NIM1K: variants seen among roughly 807,000 people sequenced by gnomAD.
NIM1K encodes serine/threonine-protein kinase NIM1.
A neutral mutation model predicts 37.1 loss-of-function variants in NIM1K; 35 were observed. The ratio of observed to expected loss-of-function variants is 0.94; its 90% CI spans 0.72 to 1.25. The LOEUF (loss-of-function observed/expected upper bound fraction) is 1.25. NIM1K is among the 50% of genes most tolerant of loss of function. The pLI is 0.00. For missense variants in NIM1K, 564 were observed against 548.0 expected, an observed-to-expected ratio of 1.03 and a Z score of -0.29; for synonymous variants, 234 against 206.6, an observed-to-expected ratio of 1.13 and a Z score of -1.14.
At chr5:43,206,965 CG>C (rs1333547013) in intron 1 of NIM1K, 345 of 761,598 alleles carry the variant, frequency 4.5e-4, no homozygotes, top group Non-Finnish European at 6.6e-4. Flanking sequence ...AAGAGATCGA[CG>C]GTATTTTGAA....
rs758604313 is a variant in NIM1K at position 43,277,053 on chromosome 5, G to T, written c.293-4G>T. The T allele has an allele frequency of 1.2e-6, 2 of 1,608,696 alleles. No homozygotes were observed. Among genetic ancestry groups the T allele is most frequent in the Non-Finnish European group, 1.7e-6 (2 of 1,178,506 alleles). The stretch of plus-strand genomic sequence containing the variant: ...GGCACAATTTTTACTTTTTTTCCTT[G>T]CAGAAAAGGTGGCCATTAAGATCCT... On this transcript the variant is annotated splice_region_variant and splice_polypyrimidine_tract_variant and intron_variant, in intron 2 of 3. Transcript: ENST00000326035.
chr5:43,213,065 C>A (rs922502645), intron 1 of NIM1K, among the ~76,000 whole-genome samples: 1 of 152,150 alleles, frequency 6.6e-6, no homozygotes, highest in African/African-American at 2.4e-5. Context: ...ACTATGCCAC[C>A]ATTTCAACCA....
intron 1 of NIM1K, among the ~76,000 whole-genome samples, chr5:43,195,381 G>A (rs978100544): frequency 6.6e-6 from 1 of 152,158 alleles, no homozygotes. Context: ...GTGATAGGTC[G>A]GTGCCGTGGC....
intron 1 of NIM1K, among the ~76,000 whole-genome samples, chr5:43,236,876 C>T (rs548660491): frequency 1.4e-4 from 22 of 152,318 alleles, no homozygotes; most frequent in African/African-American, 4.8e-4. Flanking sequence ...TAGAAACCAG[C>T]GCATACTGAC....
At chr5:43,211,139 T>C (rs1421221648) in intron 1 of NIM1K, among the ~76,000 whole-genome samples, 1 of 151,904 alleles carries the variant, frequency 6.6e-6, no homozygotes, top group Non-Finnish European at 1.5e-5. Flanking sequence ...GCCACTGTAC[T>C]CTGGACTGGG....
At position 43,255,562 on chromosome 5, in the gene NIM1K, G is replaced by A. The variant is rs545713590; in HGVS notation, c.292+9495G>A. 3.7e-4 allele frequency among the ~76,000 whole-genome samples: 56 copies of A among 152,134 alleles called. 1 individual carries two copies. The highest frequency in any genetic ancestry group is 1.3e-3 in the African/African-American group (52 of 41,512). ...TCAAGAGATGGAGGCCATCCTGGCCGACATGGTGAAACCACAATTCTACTA... is the reference window on the plus strand; with the variant it reads ...TCAAGAGATGGAGGCCATCCTGGCCAACATGGTGAAACCACAATTCTACTA... On this transcript the variant is annotated intron_variant, in intron 2 of 3. Transcript: ENST00000326035.
In NIM1K at chr5:43,280,351, G is replaced by T. The variant is rs761468839; in HGVS notation, c.933G>T (p.Thr311=). The change falls in exon 4 of 4, where the codon ACG becomes ACT. Residue 311 remains threonine, a synonymous_variant. Coordinates refer to ENST00000326035, the MANE Select transcript of NIM1K (RefSeq NM_153361.4). ...LIRGVLQQIP[T]ERYGIDCIMN... ...GAGGAGTCCTTCAGCAGATCCCCAC[G>T]GAGAGGTACGGAATCGACTGCATCA... 7 of 1,614,014 alleles carry T rather than the reference G, an allele frequency of 4.3e-6. 1 individual carries two copies. Among genetic ancestry groups the T allele is most frequent in the South Asian group, 3.3e-5 (3 of 91,080 alleles).
chr5:43,273,312 T>C (rs1442786455), intron 2 of NIM1K, among the ~76,000 whole-genome samples: 2 of 151,978 alleles, frequency 1.3e-5, no homozygotes, highest in Non-Finnish European at 2.9e-5. Context: ...CAAGCAATTC[T>C]CCTGTCTCAG....
At chr5:43,270,765 G>A (rs1409043600) in intron 2 of NIM1K, among the ~76,000 whole-genome samples, 2 of 152,188 alleles carry the variant, frequency 1.3e-5, no homozygotes, top group Admixed American at 6.5e-5. Context: ...GTTTAGCAAA[G>A]TGAACTCAAC....
intron 1 of NIM1K, chr5:43,232,511 C>T (rs148953871): frequency 3.0e-5 from 46 of 1,549,372 alleles, no homozygotes; most frequent in Middle Eastern, 1.8e-4. Flanking sequence ...ATAGGTTGGG[C>T]GTTCAGTATC....
intron 2 of NIM1K, among the ~76,000 whole-genome samples, chr5:43,259,411 G>T (rs1752995064): frequency 6.6e-6 from 1 of 152,252 alleles, no homozygotes; most frequent in Admixed American, 6.5e-5. Flanking sequence ...GTGTATAAAT[G>T]TTACCTTTTC....
At chr5:43,203,655 T>C (rs1456675943) in intron 1 of NIM1K, among the ~76,000 whole-genome samples, 2 of 152,190 alleles carry the variant, frequency 1.3e-5, no homozygotes, top group Non-Finnish European at 2.9e-5. Context: ...ACAATAGTCA[T>C]ATAGTACACT....
At chr5:43,232,766 A>G in intron 1 of NIM1K, 2 of 1,157,102 alleles carry the variant, frequency 1.7e-6, no homozygotes, top group Non-Finnish European at 2.5e-6. Context: ...TGGAAAAACA[A>G]GAAGCCTTGG....
At chr5:43,200,908 G>A (rs922219920) in intron 1 of NIM1K, among the ~76,000 whole-genome samples, 1 of 151,706 alleles carries the variant, frequency 6.6e-6, no homozygotes, top group African/African-American at 2.4e-5. Flanking sequence ...GGTGGATCAT[G>A]GGGTCAGGAG....
intron 2 of NIM1K, among the ~76,000 whole-genome samples, chr5:43,263,363 T>G (rs1020702364): frequency 2.6e-5 from 4 of 152,214 alleles, no homozygotes; most frequent in African/African-American, 7.2e-5. Context: ...CAGGAATTTA[T>G]CCATTTCTTC....
At chr5:43,213,243 TTTCTTTCTTG>T (rs1752241750) in intron 1 of NIM1K, among the ~76,000 whole-genome samples, 4 of 150,026 alleles carry the variant, frequency 2.7e-5, no homozygotes, top group Non-Finnish European at 3.0e-5. Context: ...TCTTCCTTTC[TTTCTTTCTTG>T]TTCTTTCTTG....
At chr5:43,237,514 C>T (rs774003858) in intron 1 of NIM1K, among the ~76,000 whole-genome samples, 8 of 152,178 alleles carry the variant, frequency 5.3e-5, no homozygotes, top group Non-Finnish European at 1.0e-4. Flanking sequence ...AACTCACTTA[C>T]ATCTGAAATT....
chr5:43,214,246 G>T (rs933814283), intron 1 of NIM1K, among the ~76,000 whole-genome samples: 2 of 152,098 alleles, frequency 1.3e-5, no homozygotes, highest in African/African-American at 4.8e-5. Flanking sequence ...AGAGATATAT[G>T]CATATTTTTA....
intron 1 of NIM1K, chr5:43,240,122 G>A (rs1409617987): frequency 6.6e-6 from 1 of 151,940 alleles, no homozygotes; most frequent in African/African-American, 2.4e-5. Context: ...TGCCTAGGCT[G>A]AAGTGCAGTG....
Sources: gnomAD v4.1 joint callset for allele counts (sites outside exome capture counted in the v4.1 genomes callset) on GRCh38, gnomAD v4.1.1 for gene constraint, MANE v1.5 for transcripts, NCBI Gene and HGNC (gene_info 2026-07-23, HGNC 2026-07-21) for gene names.